BLMH: variants seen among roughly 807,000 people sequenced by gnomAD.
BLMH encodes the protein bleomycin hydrolase, also known as BLM hydrolase.
In BLMH, 32 loss-of-function variants were observed where a neutral mutation model predicts 61.6. That is an observed-to-expected ratio of 0.52 (90% CI 0.39 to 0.70). The LOEUF (loss-of-function observed/expected upper bound fraction) is 0.70, where lower values mean the gene tolerates loss of function less well. BLMH is among the 30% of genes least tolerant of loss of function. BLMH has a pLI of 0.00. For missense variants in BLMH, 460 were observed against 555.5 expected (o/e 0.83, Z 1.73); for synonymous variants, 183 against 193.8 (o/e 0.94, Z 0.46).
chr17:30,268,171 T>C (rs1908161426), intron 10 of BLMH, among the ~76,000 whole-genome samples: 1 of 152,236 alleles, frequency 6.6e-6, no homozygotes, highest in Non-Finnish European at 1.5e-5. Context: ...CTTTTAAATA[T>C]CACTGTTAGA....
chr17:30,279,113 C>G (rs1464611825), intron 6 of BLMH, among the ~76,000 whole-genome samples: 3 of 152,262 alleles, frequency 2.0e-5, no homozygotes, highest in African/African-American at 7.2e-5. Flanking sequence ...GCAACTGATT[C>G]TGCTTTTCCT....
At chr17:30,287,525 C>T (rs1055175827) in intron 4 of BLMH, among the ~76,000 whole-genome samples, 39 of 152,226 alleles carry the variant, frequency 2.6e-4, no homozygotes, top group Non-Finnish European at 4.0e-4. Flanking sequence ...TTCCTGATTA[C>T]ATCAATGGAG....
chr17:30,254,634 T>A (rs915020311), intron 11 of BLMH, among the ~76,000 whole-genome samples: 2 of 152,212 alleles, frequency 1.3e-5, no homozygotes, highest in African/African-American at 4.8e-5. Context: ...GAAAATTTTA[T>A]GCCATGGGAT....
chr17:30,282,414 T>G (rs1021845305), intron 6 of BLMH, among the ~76,000 whole-genome samples: 3 of 152,086 alleles, frequency 2.0e-5, no homozygotes, highest in African/African-American at 7.2e-5. Context: ...GACGGGGTTT[T>G]GCCATGTTGG....
At chr17:30,291,240 TTA>T (rs1281458324) in intron 2 of BLMH, 69 bp downstream of exon 2, 2 of 1,555,198 alleles carry the variant, frequency 1.3e-6, no homozygotes, top group African/African-American at 2.7e-5. Context: ...AAGACCACTC[TTA>T]AATAAGACAC....
intron 6 of BLMH, among the ~76,000 whole-genome samples, chr17:30,277,177 A>T (rs372175644): frequency 6.6e-6 from 1 of 152,238 alleles, no homozygotes; most frequent in Non-Finnish European, 1.5e-5. Context: ...TACGAGCCTG[A>T]ACATCTAGTC....
intron 11 of BLMH, among the ~76,000 whole-genome samples, chr17:30,259,100 C>A (rs913311108): frequency 6.6e-6 from 1 of 152,144 alleles, no homozygotes; most frequent in African/African-American, 2.4e-5. Flanking sequence ...CAGTTTATCC[C>A]GTGTGTGACT....
At chr17:30,288,066 CT>C (rs1567840053) in intron 3 of BLMH, 119 bp from the exon 4 acceptor site, 1 of 1,092,706 alleles carries the variant, frequency 9.2e-7, no homozygotes, top group Non-Finnish European at 1.3e-6. Flanking sequence ...AGTTTTTTTT[CT>C]TTTTAAAAAC....
intron 11 of BLMH, among the ~76,000 whole-genome samples, chr17:30,253,868 C>T (rs991469692): frequency 6.6e-6 from 1 of 152,086 alleles, no homozygotes; most frequent in African/African-American, 2.4e-5. Flanking sequence ...ACACCTCAAA[C>T]CAACCAACCA....
At chr17:30,285,230 A>G (rs1322252174) in intron 6 of BLMH, among the ~76,000 whole-genome samples, 158 bp downstream of exon 6, 1 of 152,250 alleles carries the variant, frequency 6.6e-6, no homozygotes, top group African/African-American at 2.4e-5. Flanking sequence ...AGGCAAAGTA[A>G]GTTTTAAGCT....
rs1908903840 is a variant in BLMH at position 30,291,840 on chromosome 17, GGGT to G, written c.-24_-22del. ...CTCATGGCGCCCACGCTGCCCGGCG[GGGT>G]AACGGTAGCTTCCAGGGTCCTTGGG... is the stretch of plus-strand genomic sequence containing the variant. On this transcript the variant is annotated 5_prime_UTR_variant, in exon 1 of 12. Coordinates refer to ENST00000261714, the MANE Select transcript of BLMH (RefSeq NM_000386.4). The G allele has an allele frequency of 7.5e-7, 1 of 1,339,584 alleles. No homozygotes were observed. The highest frequency in any genetic ancestry group is 2.2e-5 in the South Asian group (1 of 44,612). The allele number at this position is 1,339,584 out of a possible 1,614,324, so 83.0% of individuals were successfully genotyped here.
chr17:30,248,911 C>T lies in BLMH; in HGVS notation c.*106G>A. 1 of 1,366,610 alleles carries T rather than the reference C, an allele frequency of 7.3e-7. No individual in the cohort carries two copies. Among genetic ancestry groups the T allele is most frequent in the South Asian group, 1.4e-5 (1 of 72,762 alleles). The allele number at this position is 1,366,610 out of a possible 1,614,324, so 84.7% of individuals were successfully genotyped here. A position where few individuals can be genotyped will look rare whatever the true frequency, so the allele number is the denominator to read the frequency against. On this transcript the variant is annotated 3_prime_UTR_variant, in exon 12 of 12. Transcript: ENST00000261714. ...TGGAGACTGGAAATCTGACTGTGTC[C>T]TGTGGCAACACACAGTCCCTTGCAT...
intron 3 of BLMH, 85 bp downstream of exon 3, chr17:30,289,288 T>A: frequency 2.6e-6 from 2 of 783,394 alleles, no homozygotes; most frequent in Non-Finnish European, 3.9e-6. Flanking sequence ...GGGCAGGCTA[T>A]AACTGGAAAA....
chr17:30,273,927 T>G, intron 7 of BLMH, 115 bp downstream of exon 7: 1 of 1,294,222 alleles, frequency 7.7e-7, no homozygotes, highest in East Asian at 2.4e-5. Flanking sequence ...GAAAAATGTT[T>G]GTTTGCTGTC....
chr17:30,266,646 A>G (rs1392529797), intron 11 of BLMH, among the ~76,000 whole-genome samples: 1 of 152,210 alleles, frequency 6.6e-6, no homozygotes, highest in African/African-American at 2.4e-5. Flanking sequence ...GGGAGGGTCA[A>G]CACAGTTTGC....
intron 11 of BLMH, among the ~76,000 whole-genome samples, chr17:30,258,999 A>G (rs1203965028): frequency 6.6e-6 from 1 of 152,192 alleles, no homozygotes; most frequent in African/African-American, 2.4e-5. Context: ...TCAGAAAAAA[A>G]GCCACAGCCC....
At position 30,249,145 on chromosome 17, in the gene BLMH, A is replaced by G. The variant is rs202116749; in HGVS notation, c.1240T>C (p.Trp414Arg). The G allele has an allele frequency of 1.9e-6, 3 of 1,614,018 alleles. No individual in the cohort carries two copies. The highest frequency in any genetic ancestry group is 2.5e-6 in the Non-Finnish European group (3 of 1,179,942). The change falls in exon 12 of 12, where the codon TGG becomes CGG. Residue 414 changes from tryptophan to arginine, a missense_variant. Coordinates refer to ENST00000261714, the MANE Select transcript of BLMH (RefSeq NM_000386.4). ...ACTTCGTAGACATACTCAGAGAACC[A>G]CTCATCTGTCATGCACAGGTAACCT... ...HKGYLCMTDE[W>R]FSEYVYEVVV...
chr17:30,264,061 G>A (rs1199179102), intron 11 of BLMH, among the ~76,000 whole-genome samples: 2 of 152,140 alleles, frequency 1.3e-5, no homozygotes, highest in African/African-American at 4.8e-5. Flanking sequence ...CATACTATGC[G>A]CTCTCCTGAG....
At chr17:30,263,401 G>A (rs182685504) in intron 11 of BLMH, among the ~76,000 whole-genome samples, 15 of 152,098 alleles carry the variant, frequency 9.9e-5, no homozygotes, top group South Asian at 4.2e-4. Flanking sequence ...ATCAAATCCC[G>A]AAGTCTGTTC....
Sources: gnomAD v4.1 joint callset for allele counts (sites outside exome capture counted in the v4.1 genomes callset) on GRCh38, gnomAD v4.1.1 for gene constraint, MANE v1.5 for transcripts, NCBI Gene and HGNC (gene_info 2026-07-23, HGNC 2026-07-21) for gene names.